Variants in ACYP2 observed in about 807,000 individuals in gnomAD.
The protein encoded by ACYP2 is acylphosphatase 2.
ACYP2 carries 12 observed loss-of-function variants against 11.2 expected under a neutral mutation model. That is an observed-to-expected ratio of 1.08 (90% CI 0.69 to 1.74). The LOEUF (loss-of-function observed/expected upper bound fraction) is 1.74, where lower values mean the gene tolerates loss of function less well. ACYP2 is among the 40% of genes most tolerant of loss of function. The pLI is 0.00. For missense variants in ACYP2, 134 were observed against 101.9 expected (o/e 1.31, Z -1.35); for synonymous variants, 43 against 32.2 (o/e 1.33, Z -1.13).
intron 6 of ACYP2, among the ~76,000 whole-genome samples, chr2:54,278,098 C>T (rs950505106): frequency 2.6e-5 from 4 of 152,182 alleles, no homozygotes; most frequent in African/African-American, 9.7e-5. Context: ...CCGCCTCAGC[C>T]TCCTGAGTAG....
At chr2:54,185,866 G>A (rs1293211020) in intron 6 of ACYP2, among the ~76,000 whole-genome samples, 1 of 151,972 alleles carries the variant, frequency 6.6e-6, no homozygotes, top group African/African-American at 2.4e-5. Flanking sequence ...TGAAGGTGTA[G>A]GATCGTCTTG....
chr2:54,161,415 G>C (rs565433925), intron 6 of ACYP2, among the ~76,000 whole-genome samples: 1 of 152,162 alleles, frequency 6.6e-6, no homozygotes, highest in Non-Finnish European at 1.5e-5. Flanking sequence ...CCTATTGATG[G>C]GAAAACTCAG....
At chr2:54,234,570 CTTTAA>C (rs1377071801) in intron 6 of ACYP2, among the ~76,000 whole-genome samples, 1 of 152,230 alleles carries the variant, frequency 6.6e-6, no homozygotes, top group African/African-American at 2.4e-5. Flanking sequence ...ATTTGCTCAA[CTTTAA>C]TTTTTCAGTC....
intron 6 of ACYP2, among the ~76,000 whole-genome samples, chr2:54,195,815 T>TTTTTTTTTTA (rs10669711): frequency 2.1e-5 from 3 of 146,046 alleles, no homozygotes; most frequent in Non-Finnish European, 3.0e-5. Context: ...TTTTTTTTTT[T>TTTTTTTTTTA]GAGACAGAGT....
intron 6 of ACYP2, among the ~76,000 whole-genome samples, chr2:54,182,502 C>T (rs1335747635): frequency 6.6e-6 from 1 of 151,970 alleles, no homozygotes; most frequent in Non-Finnish European, 1.5e-5. Context: ...TCACCACGCC[C>T]AGCTATTTTT....
At chr2:54,217,542 TG>T (rs199852224) in intron 6 of ACYP2, among the ~76,000 whole-genome samples, 4,962 of 151,952 alleles carry the variant, frequency 0.033, 108 homozygotes, top group Non-Finnish European at 0.048. Flanking sequence ...ATTTTTTTTT[TG>T]TATTTTTTTG....
chr2:54,266,537 T>C (rs1688025846), intron 6 of ACYP2, among the ~76,000 whole-genome samples: 1 of 146,322 alleles, frequency 6.8e-6, no homozygotes, highest in Non-Finnish European at 1.5e-5. Flanking sequence ...TATATAGATA[T>C]AGATATAGCT....
intron 6 of ACYP2, among the ~76,000 whole-genome samples, chr2:54,291,168 C>T (rs548400637): frequency 6.6e-6 from 1 of 152,216 alleles, no homozygotes; most frequent in African/African-American, 2.4e-5. Context: ...CATTTGGACA[C>T]TGACTGCTCC....
chr2:54,292,894 T>G (rs1689370056), intron 6 of ACYP2, among the ~76,000 whole-genome samples: 1 of 152,230 alleles, frequency 6.6e-6, no homozygotes, highest in Admixed American at 6.5e-5. Context: ...AATCTAGATT[T>G]GTTATTCCAG....
intron 3 of ACYP2, among the ~76,000 whole-genome samples, chr2:54,056,647 G>A (rs1411065792): frequency 6.6e-6 from 1 of 152,024 alleles, no homozygotes; most frequent in Admixed American, 6.6e-5. Flanking sequence ...AGATAGTTCT[G>A]TTTTCAAATT....
intron 6 of ACYP2, among the ~76,000 whole-genome samples, chr2:54,146,280 A>G (rs1291030334): frequency 2.0e-5 from 3 of 152,158 alleles, no homozygotes; most frequent in Admixed American, 6.5e-5. Context: ...CAGATATTCC[A>G]CTTATCTCTC....
intron 6 of ACYP2, among the ~76,000 whole-genome samples, chr2:54,232,494 C>A (rs986604080): frequency 1.3e-5 from 2 of 152,088 alleles, no homozygotes; most frequent in African/African-American, 4.8e-5. Context: ...GGTTGTGGTC[C>A]ATGTCACCCA....
intron 4 of ACYP2, among the ~76,000 whole-genome samples, chr2:54,113,960 C>G (rs187085874): frequency 5.3e-4 from 80 of 152,188 alleles, no homozygotes; most frequent in Admixed American, 1.3e-3. Context: ...AGTTAAGTTA[C>G]GAGGTCTCTG....
chr2:54,074,023 A>C (rs1337662991), intron 4 of ACYP2, among the ~76,000 whole-genome samples: 1 of 152,140 alleles, frequency 6.6e-6, no homozygotes, highest in South Asian at 2.1e-4. Flanking sequence ...CAGCAATTCC[A>C]CTGCTAGGTA....
intron 4 of ACYP2, among the ~76,000 whole-genome samples, chr2:54,075,673 TGTG>T: frequency 6.6e-6 from 1 of 151,358 alleles, no homozygotes; most frequent in Non-Finnish European, 1.5e-5. Context: ...ATTAGCCAGG[TGTG>T]GTGGTGCATG....
chr2:54,131,888 T>A (rs1404087472), intron 4 of ACYP2, among the ~76,000 whole-genome samples: 2 of 152,198 alleles, frequency 1.3e-5, no homozygotes, highest in African/African-American at 4.8e-5. Flanking sequence ...GCATTTCTGT[T>A]CCTTGGAGGA....
At chr2:54,150,739 CTTTTTT>C (rs11295809) in intron 6 of ACYP2, among the ~76,000 whole-genome samples, 127 of 137,402 alleles carry the variant, frequency 9.2e-4, no homozygotes, top group African/African-American at 3.2e-3. Context: ...GCGTTTCTTT[CTTTTTT>C]TTTTTTTTTT....
intron 4 of ACYP2, among the ~76,000 whole-genome samples, chr2:54,090,578 C>T (rs536102384): frequency 3.3e-5 from 5 of 152,296 alleles, no homozygotes; most frequent in Admixed American, 3.3e-4. Context: ...TTGCAGTGAG[C>T]CAAGATTGCA....
chr2:54,258,969 C>T (rs1687667972), intron 6 of ACYP2, among the ~76,000 whole-genome samples: 2 of 152,174 alleles, frequency 1.3e-5, no homozygotes, highest in Admixed American at 1.3e-4. Flanking sequence ...TATAGCAACC[C>T]ACTCTCTCAA....
Sources: gnomAD v4.1 joint callset for allele counts (sites outside exome capture counted in the v4.1 genomes callset) on GRCh38, gnomAD v4.1.1 for gene constraint, MANE v1.5 for transcripts, NCBI Gene and HGNC (gene_info 2026-07-23, HGNC 2026-07-21) for gene names.